The following RIPOR3 variants were observed in gnomAD, a reference collection of about 807,000 sequenced individuals.
RIPOR3 encodes the protein RIPOR family member 3.
RIPOR3 carries 95 observed loss-of-function variants against 114.3 expected under a neutral mutation model. That is an observed-to-expected ratio of 0.83 (90% CI 0.70 to 0.99). The LOEUF is 0.99. Ranked by LOEUF, RIPOR3 falls within the 50% of genes least tolerant of loss-of-function variation. The pLI, the probability that RIPOR3 is intolerant of heterozygous loss-of-function variation, is 0.00. For missense variants in RIPOR3, 1,252 were observed against 1,266.9 expected (o/e 0.99, Z 0.18); for synonymous variants, 575 against 543.8 (o/e 1.06, Z -0.80).
chr20:50,587,236 A>C lies in RIPOR3; in HGVS notation c.2849T>G (p.Phe950Cys). ...CQEADVEITI[F>C] is the part of the protein sequence containing the mutation. ...GTGCTCATCAGCCAGGATTTTTTAA[A>C]ATATTGTGATTTCAACATCTGCCTC... Residue 950 changes from phenylalanine (F) to cysteine (C), a missense_variant, in exon 22 of 22, where the codon TTT (phenylalanine) becomes TGT (cysteine). Transcript: ENST00000327979. 1 of 1,613,550 alleles carries C rather than the reference A, an allele frequency of 6.2e-7. No homozygotes were observed. The highest frequency in any genetic ancestry group is 8.5e-7 in the Non-Finnish European group (1 of 1,179,436).
Position 50,595,353 on chromosome 20 carries a change from G to A in RIPOR3, c.2050+16C>T. The stretch of plus-strand genomic sequence containing the variant: ...CGCTCACATAGGCAGCCCCTGGGTG[G>A]CAGGCAGCTACTTACTCTCTTCAAT... On this transcript the variant is annotated intron_variant, in intron 16 of 21. Coordinates refer to ENST00000327979, the MANE Select transcript of RIPOR3 (RefSeq NM_001290268.2). The A allele has an allele frequency of 6.2e-7, 1 of 1,608,900 alleles. No individual in the cohort carries two copies. Among genetic ancestry groups the A allele is most frequent in the Non-Finnish European group, 8.5e-7 (1 of 1,175,994 alleles).
intron 21 of RIPOR3, 130 bp from the exon 22 acceptor site, chr20:50,587,462 A>G: frequency 1.3e-6 from 1 of 749,012 alleles, no homozygotes. Flanking sequence ...CAGGGGAGGG[A>G]GTATGTGCGG....
chr20:50,615,016 C>T (rs1459649725), intron 4 of RIPOR3, among the ~76,000 whole-genome samples: 2 of 152,000 alleles, frequency 1.3e-5, no homozygotes, highest in Non-Finnish European at 2.9e-5. Context: ...GATATCACAC[C>T]ATTGCACTCC....
intron 15 of RIPOR3, among the ~76,000 whole-genome samples, 172 bp from the exon 16 acceptor site, chr20:50,595,676 G>C (rs193209597): frequency 1.3e-5 from 2 of 152,198 alleles, no homozygotes; most frequent in East Asian, 1.9e-4. Context: ...ATGGGATGCA[G>C]GCTGGGCTGC....
chr20:50,665,507 G>A (rs1246083952), intron 1 of RIPOR3, among the ~76,000 whole-genome samples: 1 of 134,690 alleles, frequency 7.4e-6, no homozygotes, highest in Non-Finnish European at 1.5e-5. Context: ...CGCAACCTCC[G>A]CCTCCCGGGT....
chr20:50,656,450 T>C (rs1272729745), intron 1 of RIPOR3, among the ~76,000 whole-genome samples: 1 of 152,192 alleles, frequency 6.6e-6, no homozygotes, highest in Admixed American at 6.5e-5. Flanking sequence ...ATGCAAATGG[T>C]ACCTATTTTA....
chr20:50,601,931 C>A (rs2083508628), intron 13 of RIPOR3, 141 bp downstream of exon 13: 13 of 772,996 alleles, frequency 1.7e-5, no homozygotes, highest in Non-Finnish European at 5.9e-6. Context: ...GAAACCAAGG[C>A]CCAGAGAGAC....
At position 50,602,496 on chromosome 20, in the gene RIPOR3, G is replaced by T; in HGVS notation, c.1235C>A (p.Ser412Tyr). The change falls in exon 13 of 22, where the codon TCT (serine) becomes TAT (tyrosine). Residue 412 changes from serine to tyrosine, a missense_variant. Coordinates refer to ENST00000327979, the MANE Select transcript of RIPOR3 (RefSeq NM_001290268.2). The surrounding 1 kb of genome is among the most constrained non-coding windows in gnomAD (Gnocchi z 4.3). ...GGTCTCCGTGTCTCGGGGGTCCTCA[G>T]AGCTGAAGGAGTCCATCTCAGGCAG... is the stretch of plus-strand genomic sequence containing the variant. Reference protein sequence around the residue: ...QELPEMDSFSSEDPRDTETST... With the variant: ...QELPEMDSFSYEDPRDTETST... 1 of 1,563,630 alleles carries T rather than the reference G, an allele frequency of 6.4e-7. No individual in the cohort carries two copies. The highest frequency in any genetic ancestry group is 8.7e-7 in the Non-Finnish European group (1 of 1,152,922).
In RIPOR3 at chr20:50,608,752, C is replaced by T. The variant is rs371328272; in HGVS notation, c.685-14G>A. The T allele has an allele frequency of 1.1e-5, 18 of 1,613,536 alleles. No individual in the cohort carries two copies. Among genetic ancestry groups the T allele is most frequent in the African/African-American group, 8.0e-5 (6 of 74,914 alleles). ...ACGCATGAGCACCTGTGAACCAGCCCGAGAGGGGCCGCGTCAGCCCAGGTG... is the reference window on the plus strand; with the variant it reads ...ACGCATGAGCACCTGTGAACCAGCCTGAGAGGGGCCGCGTCAGCCCAGGTG... On this transcript the variant is annotated splice_polypyrimidine_tract_variant and intron_variant, in intron 9 of 21. Transcript: ENST00000327979.
intron 14 of RIPOR3, 143 bp downstream of exon 14, chr20:50,597,437 G>A: frequency 4.9e-6 from 6 of 1,221,838 alleles, no homozygotes; most frequent in Non-Finnish European, 6.7e-6. Flanking sequence ...GGATGGCATG[G>A]GGAAGGGTGC....
intron 2 of RIPOR3, among the ~76,000 whole-genome samples, chr20:50,624,382 C>T (rs1368888183): frequency 6.6e-6 from 1 of 152,214 alleles, no homozygotes; most frequent in Non-Finnish European, 1.5e-5. Flanking sequence ...ACTCCCAGCT[C>T]CTGCCTCCAG....
chr20:50,596,226 C>G lies in RIPOR3; in HGVS notation c.1828G>C (p.Ala610Pro), dbSNP rs376080684. The change falls in exon 15 of 22, where the codon GCG becomes CCG. Residue 610 changes from alanine to proline, a missense_variant. Transcript: ENST00000327979. Reference sequence around the variant, plus strand: ...CCGGCTGTGAGTTCCCTGGATGACGCTTTCAGTGATGACGGTGGGGGCAGG... The same window carrying G: ...CCGGCTGTGAGTTCCCTGGATGACGGTTTCAGTGATGACGGTGGGGGCAGG... ...RPLPPPSSLK[A>P]SSRELTAGAP... The G allele has an allele frequency of 3.1e-6, 5 of 1,614,186 alleles. No homozygotes were observed. In the Admixed American group the frequency reaches 8.3e-5, roughly 27 times the overall value.
At chr20:50,656,476 C>T (rs1368805733) in intron 1 of RIPOR3, among the ~76,000 whole-genome samples, 1 of 152,264 alleles carries the variant, frequency 6.6e-6, no homozygotes, top group South Asian at 2.1e-4. Context: ...GAAATATATA[C>T]AATTTTTTAT....
intron 1 of RIPOR3, among the ~76,000 whole-genome samples, chr20:50,666,882 A>G (rs1479123018): frequency 2.6e-5 from 4 of 152,146 alleles, no homozygotes; most frequent in Admixed American, 1.3e-4. Flanking sequence ...TTCTTCAAAC[A>G]TAGGAAGAAA....
At chr20:50,678,971 G>C (rs2086763758) in intron 1 of RIPOR3, among the ~76,000 whole-genome samples, 1 of 150,870 alleles carries the variant, frequency 6.6e-6, no homozygotes, top group African/African-American at 2.4e-5. Flanking sequence ...CAAGCCTGGT[G>C]ATCCACACCT....
At chr20:50,640,900 A>G (rs2085166050) in intron 1 of RIPOR3, among the ~76,000 whole-genome samples, 1 of 150,070 alleles carries the variant, frequency 6.7e-6, no homozygotes, top group Non-Finnish European at 1.5e-5. Context: ...AAGTTGTAAT[A>G]TGCACTTCTT....
At chr20:50,689,504 C>T (rs1052584672) in intron 1 of RIPOR3, among the ~76,000 whole-genome samples, 1 of 152,186 alleles carries the variant, frequency 6.6e-6, no homozygotes, top group Non-Finnish European at 1.5e-5. Flanking sequence ...TACTCTCAGA[C>T]ATCTTACTCT....
chr20:50,691,195 G>C lies in RIPOR3; in HGVS notation c.-67C>G. ...TTGCAGCTGCCTCACTTTCCCTATT[G>C]CCGCCAGCAAGCGTCTGCTCCCATC... On this transcript the variant is annotated 5_prime_UTR_variant, in exon 1 of 22. Transcript: ENST00000327979. 7.8e-7 allele frequency: 1 copy of C among 1,289,272 alleles called. No homozygotes were observed. Among genetic ancestry groups the C allele is most frequent in the Non-Finnish European group, 1.0e-6 (1 of 988,754 alleles). 79.9% of individuals were successfully genotyped at this position (1,289,272 alleles called of 1,614,324 possible).
intron 1 of RIPOR3, among the ~76,000 whole-genome samples, chr20:50,662,860 C>T (rs772546790): frequency 5.9e-5 from 9 of 152,114 alleles, no homozygotes; most frequent in Non-Finnish European, 7.4e-5. Context: ...TTGGGGAGGC[C>T]GAGGCGGGTG....
Sources: allele counts gnomAD v4.1 joint callset (sites outside exome capture counted in the v4.1 genomes callset), GRCh38; gene constraint gnomAD v4.1.1; non-coding constraint Gnocchi (gnomAD v3.1); transcripts MANE v1.5; gene names NCBI Gene and HGNC (gene_info 2026-07-23, HGNC 2026-07-21).